COLGALT2: variants seen among roughly 807,000 people sequenced by gnomAD.
COLGALT2 encodes the protein collagen beta(1-O)galactosyltransferase 2.
COLGALT2 carries 49 observed loss-of-function variants against 73.4 expected under a neutral mutation model. That is an observed-to-expected ratio of 0.67 (90% CI 0.53 to 0.85). The LOEUF (loss-of-function observed/expected upper bound fraction) is 0.85, where lower values mean the gene tolerates loss of function less well. Ranked by LOEUF, COLGALT2 falls within the 40% of genes least tolerant of loss-of-function variation. The pLI is 0.00. For missense variants in COLGALT2, 722 were observed against 790.2 expected (o/e 0.91, Z 1.03); for synonymous variants, 295 against 307.6 (o/e 0.96, Z 0.43).
intron 1 of COLGALT2, among the ~76,000 whole-genome samples, chr1:184,024,108 A>G (rs1020817587): frequency 3.3e-5 from 5 of 152,178 alleles, no homozygotes; most frequent in African/African-American, 1.2e-4. Flanking sequence ...TTCATTTTTC[A>G]TGGCATTAGT....
At chr1:183,998,385 G>A (rs186229519) in intron 1 of COLGALT2, among the ~76,000 whole-genome samples, 24 of 152,090 alleles carry the variant, frequency 1.6e-4, no homozygotes, top group African/African-American at 5.1e-4. Flanking sequence ...TGAGTTCTTC[G>A]TTGATTCTCT....
At chr1:183,952,506 A>G (rs1051102083) in intron 7 of COLGALT2, among the ~76,000 whole-genome samples, 3 of 152,206 alleles carry the variant, frequency 2.0e-5, no homozygotes, top group Non-Finnish European at 4.4e-5. Flanking sequence ...TTTGTCTTAG[A>G]ACCAGTCTGG....
intron 10 of COLGALT2, among the ~76,000 whole-genome samples, chr1:183,943,622 C>G (rs1670172210): frequency 6.6e-6 from 1 of 152,124 alleles, no homozygotes; most frequent in South Asian, 2.1e-4. Flanking sequence ...AGCCAGCACT[C>G]CCTTGGTGAG....
chr1:183,973,749 A>C lies in COLGALT2; in HGVS notation c.494T>G (p.Phe165Cys). 6.2e-7 allele frequency: 1 copy of C among 1,613,358 alleles called. No homozygotes were observed. The highest frequency in any genetic ancestry group is 8.5e-7 in the Non-Finnish European group (1 of 1,179,536). Residue 165 changes from phenylalanine to cysteine, a missense_variant and splice_region_variant, in exon 4 of 12, where the codon TTC (phenylalanine) becomes TGC (cysteine). Coordinates refer to ENST00000361927, the MANE Select transcript of COLGALT2 (RefSeq NM_015101.4). ...AGTCAGGAAATTGTCAACATCTATGAACTAGGAAAAGAAAAGGATAATGTT... is the reference window on the plus strand; with the variant it reads ...AGTCAGGAAATTGTCAACATCTATGCACTAGGAAAAGAAAAGGATAATGTT... Reference protein sequence around the residue: ...AREKWSDYILFIDVDNFLTNP... With the variant: ...AREKWSDYILCIDVDNFLTNP...
At chr1:183,992,055 G>A (rs966381024) in intron 1 of COLGALT2, among the ~76,000 whole-genome samples, 1 of 152,164 alleles carries the variant, frequency 6.6e-6, no homozygotes, top group Non-Finnish European at 1.5e-5. Context: ...GGAGCAGTGA[G>A]AGCAAACCTC....
intron 1 of COLGALT2, among the ~76,000 whole-genome samples, chr1:183,984,139 T>C (rs1671425558): frequency 6.6e-6 from 1 of 152,230 alleles, no homozygotes; most frequent in South Asian, 2.1e-4. Flanking sequence ...CTGGACACAG[T>C]GGCTCACGCC....
Position 184,028,114 on chromosome 1 carries a change from G to A in COLGALT2, c.263+8981C>T, listed in dbSNP as rs987863153. On this transcript the variant is annotated intron_variant, in intron 1 of 11. Coordinates refer to ENST00000361927, the MANE Select transcript of COLGALT2 (RefSeq NM_015101.4). ...ATTGTGGTGTGTGGTGCTGAGACAG[G>A]ATTATGGGGCTGGCTGGCAACCAAG... 2.0e-5 allele frequency among the ~76,000 whole-genome samples: 3 copies of A among 152,296 alleles called. No individual in the cohort carries two copies. The East Asian group carries it at 5.8e-4, about 29-fold the overall frequency.
At chr1:184,000,242 A>G (rs1283020205) in intron 1 of COLGALT2, among the ~76,000 whole-genome samples, 1 of 151,952 alleles carries the variant, frequency 6.6e-6, no homozygotes, top group Non-Finnish European at 1.5e-5. Flanking sequence ...ATTTTTTGTA[A>G]AAGGTCCATG....
At chr1:183,965,849 A>G (rs186231536) in intron 5 of COLGALT2, among the ~76,000 whole-genome samples, 17 of 152,350 alleles carry the variant, frequency 1.1e-4, no homozygotes, top group African/African-American at 3.8e-4. Context: ...TTAGGCTTGC[A>G]TGATTACAAC....
At chr1:183,994,975 T>C (rs1671732787) in intron 1 of COLGALT2, among the ~76,000 whole-genome samples, 1 of 152,238 alleles carries the variant, frequency 6.6e-6, no homozygotes, top group South Asian at 2.1e-4. Context: ...AAGTGACTTT[T>C]GAAACCCTTC....
At chr1:183,975,790 C>T (rs183995731) in intron 2 of COLGALT2, among the ~76,000 whole-genome samples, 16 of 152,336 alleles carry the variant, frequency 1.1e-4, no homozygotes, top group African/African-American at 9.6e-5. Flanking sequence ...CAGGCCAAGA[C>T]TCCTTCATGG....
chr1:184,036,437 A>C (rs1326688337), intron 1 of COLGALT2, among the ~76,000 whole-genome samples: 1 of 152,200 alleles, frequency 6.6e-6, no homozygotes, highest in Non-Finnish European at 1.5e-5. Flanking sequence ...ATGCACCGGC[A>C]GGGACAGCCC....
chr1:184,019,427 C>T (rs1649107838), intron 1 of COLGALT2, among the ~76,000 whole-genome samples: 1 of 152,028 alleles, frequency 6.6e-6, no homozygotes, highest in South Asian at 2.1e-4. Flanking sequence ...TAATGAGTAC[C>T]CTTTACCTAT....
chr1:184,015,833 C>T (rs1038176931), intron 1 of COLGALT2, among the ~76,000 whole-genome samples: 2 of 152,162 alleles, frequency 1.3e-5, no homozygotes, highest in Non-Finnish European at 2.9e-5. Flanking sequence ...AAGCTATCTA[C>T]GTGAAACTAT....
chr1:183,954,865 T>C, intron 6 of COLGALT2, 27 bp from the exon 7 acceptor site: 1 of 1,562,500 alleles, frequency 6.4e-7, no homozygotes, highest in Middle Eastern at 1.7e-4. Context: ...ACATGCAGAG[T>C]GCTTTGTTAA....
At chr1:184,016,350 GT>G (rs1648999498) in intron 1 of COLGALT2, among the ~76,000 whole-genome samples, 1 of 152,206 alleles carries the variant, frequency 6.6e-6, no homozygotes, top group African/African-American at 2.4e-5. Flanking sequence ...AAATGTGGGT[GT>G]TAAAATACTA....
intron 1 of COLGALT2, among the ~76,000 whole-genome samples, chr1:184,025,253 G>C (rs1310835263): frequency 6.6e-6 from 1 of 152,226 alleles, no homozygotes; most frequent in African/African-American, 2.4e-5. Context: ...AGGATCCAGT[G>C]TGTCTTTGAT....
chr1:183,977,144 A>T (rs1489207434), intron 2 of COLGALT2, among the ~76,000 whole-genome samples: 1 of 152,176 alleles, frequency 6.6e-6, no homozygotes, highest in Non-Finnish European at 1.5e-5. Context: ...ACTGTATGGT[A>T]TGTAGGATGA....
intron 8 of COLGALT2, among the ~76,000 whole-genome samples, chr1:183,949,493 TA>T (rs1670338402): frequency 6.6e-6 from 1 of 152,198 alleles, no homozygotes; most frequent in African/African-American, 2.4e-5. Context: ...AAAGTCTTTT[TA>T]ACAAATGGTG....
Sources: gnomAD v4.1 joint callset for allele counts (sites outside exome capture counted in the v4.1 genomes callset) on GRCh38, gnomAD v4.1.1 for gene constraint, MANE v1.5 for transcripts, NCBI Gene and HGNC (gene_info 2026-07-23, HGNC 2026-07-21) for gene names.